PDE4D: variants seen among roughly 807,000 people sequenced by gnomAD.
PDE4D encodes phosphodiesterase 4D.
In PDE4D, 24 loss-of-function variants were observed where a neutral mutation model predicts 87.4. That is an observed-to-expected ratio of 0.27 (90% confidence interval 0.20 to 0.39). The LOEUF (loss-of-function observed/expected upper bound fraction) is 0.39, where lower values mean the gene tolerates loss of function less well. PDE4D is among the 10% of genes least tolerant of loss of function. PDE4D has a pLI of 1.00. For synonymous variants in PDE4D, 384 were observed against 383.2 expected, an observed-to-expected ratio of 1.00 and a Z score of -0.02; for missense variants, 714 against 1,041.0, an observed-to-expected ratio of 0.69 and a Z score of 4.32.
intron 1 of PDE4D, among the ~76,000 whole-genome samples, chr5:59,257,828 A>T (rs754399752): frequency 3.3e-5 from 5 of 152,008 alleles, no homozygotes; most frequent in Non-Finnish European, 7.4e-5. Flanking sequence ...GGGCACTTTT[A>T]TGTCAGAAGC....
chr5:59,882,407 T>C (rs1382616762), intron 1 of PDE4D, among the ~76,000 whole-genome samples: 1 of 152,174 alleles, frequency 6.6e-6, no homozygotes, highest in East Asian at 1.9e-4. Flanking sequence ...TTACTTTATG[T>C]TTTAATGATT....
At chr5:59,960,122 A>G (rs1340351502) in intron 3 of PDE4D, among the ~76,000 whole-genome samples, 1 of 152,220 alleles carries the variant, frequency 6.6e-6, no homozygotes, top group Non-Finnish European at 1.5e-5. Context: ...TCATCAGAGA[A>G]ATGCAAATCA....
At chr5:60,393,116 T>C (rs1762662599) in intron 1 of PDE4D, among the ~76,000 whole-genome samples, 2 of 152,202 alleles carry the variant, frequency 1.3e-5, no homozygotes, top group Admixed American at 1.3e-4. Flanking sequence ...GAGGGGTCAG[T>C]CAATGACACA....
At chr5:59,120,556 G>A (rs1490869244) in intron 5 of PDE4D, among the ~76,000 whole-genome samples, 1 of 150,238 alleles carries the variant, frequency 6.7e-6, no homozygotes, top group Non-Finnish European at 1.5e-5. Context: ...TGTACTTAGT[G>A]CCCAATTCTT....
intron 1 of PDE4D, among the ~76,000 whole-genome samples, chr5:59,471,543 C>A (rs1336955180): frequency 2.0e-5 from 3 of 152,356 alleles, no homozygotes; most frequent in African/African-American, 7.2e-5. Flanking sequence ...GGGTGCAAAG[C>A]ACCACAAAGC....
At chr5:59,814,618 G>A (rs915105069) in intron 1 of PDE4D, among the ~76,000 whole-genome samples, 4 of 152,120 alleles carry the variant, frequency 2.6e-5, no homozygotes, top group African/African-American at 9.7e-5. Context: ...ACTGGTGTTC[G>A]CATCTCTGCT....
At chr5:60,271,856 G>A (rs1177920530) in intron 1 of PDE4D, among the ~76,000 whole-genome samples, 1 of 152,164 alleles carries the variant, frequency 6.6e-6, no homozygotes, top group South Asian at 2.1e-4. Flanking sequence ...ACAGTATTGA[G>A]AATGACAAAG....
chr5:59,297,532 G>A (rs896599225), intron 1 of PDE4D, among the ~76,000 whole-genome samples: 1 of 152,084 alleles, frequency 6.6e-6, no homozygotes, highest in African/African-American at 2.4e-5. Flanking sequence ...CCACATTATT[G>A]CTTTATTTGC....
At chr5:58,985,208 C>T (rs1279786281) in intron 11 of PDE4D, among the ~76,000 whole-genome samples, 1 of 152,146 alleles carries the variant, frequency 6.6e-6, no homozygotes, top group Non-Finnish European at 1.5e-5. Context: ...AGCCACTGCA[C>T]CTGGCCTATG....
At chr5:60,210,719 C>T (rs1445934017) in intron 1 of PDE4D, among the ~76,000 whole-genome samples, 1 of 151,226 alleles carries the variant, frequency 6.6e-6, no homozygotes, top group Non-Finnish European at 1.5e-5. Flanking sequence ...TATGTAAATA[C>T]TCATGGCACG....
At chr5:59,937,175 A>G (rs1056949481) in intron 3 of PDE4D, among the ~76,000 whole-genome samples, 1 of 152,216 alleles carries the variant, frequency 6.6e-6, no homozygotes, top group Non-Finnish European at 1.5e-5. Context: ...GGCTCAAGGT[A>G]ATAGAGTTTA....
intron 1 of PDE4D, among the ~76,000 whole-genome samples, chr5:59,756,608 C>T (rs1048714644): frequency 2.0e-5 from 3 of 151,560 alleles, no homozygotes; most frequent in Non-Finnish European, 4.4e-5. Context: ...TTTTTTTCCA[C>T]TATGGCAATC....
chr5:59,854,374 A>G (rs1204014274), intron 1 of PDE4D, among the ~76,000 whole-genome samples: 1 of 152,018 alleles, frequency 6.6e-6, no homozygotes, highest in East Asian at 1.9e-4. Context: ...TTTCTATGTT[A>G]AATTTATCAA....
At chr5:60,188,674 T>TA (rs1006361519) in intron 1 of PDE4D, among the ~76,000 whole-genome samples, 12 of 152,086 alleles carry the variant, frequency 7.9e-5, no homozygotes, top group East Asian at 5.8e-4. Flanking sequence ...CATTTATCCT[T>TA]AAAAAAATCT....
At position 59,882,321 on chromosome 5, in the gene PDE4D, AAAACTG is replaced by A. The variant is rs553354445; in HGVS notation, c.455+10841_455+10846del. Among the ~76,000 whole-genome samples, 3 of 152,324 alleles carry A rather than the reference AAAACTG, an allele frequency of 2.0e-5. No individual in the cohort carries two copies. The South Asian group carries it at 6.2e-4, about 32-fold the overall frequency. The stretch of plus-strand genomic sequence containing the variant: ...ATTAGACAAGAAACTGGTCCTCAAT[AAAACTG>A]AAAACCCAGGTGGTGGGAATGATTG... On this transcript the variant is annotated intron_variant, in intron 1 of 14. Transcript: ENST00000340635.
At chr5:60,370,778 C>T (rs946997777) in intron 1 of PDE4D, among the ~76,000 whole-genome samples, 20 of 146,772 alleles carry the variant, frequency 1.4e-4, no homozygotes, top group Non-Finnish European at 2.4e-4. Context: ...TGTGTGTGTG[C>T]GTGCGTGCAT....
chr5:59,472,673 A>G (rs1259344666), intron 1 of PDE4D, among the ~76,000 whole-genome samples: 2 of 152,144 alleles, frequency 1.3e-5, no homozygotes, highest in African/African-American at 2.4e-5. Context: ...GCCTTCCAAT[A>G]TGCTTTGAAA....
intron 3 of PDE4D, among the ~76,000 whole-genome samples, chr5:59,908,969 C>T (rs1753146793): frequency 6.6e-6 from 1 of 152,156 alleles, no homozygotes; most frequent in Non-Finnish European, 1.5e-5. Flanking sequence ...ACTTGGTTTA[C>T]ATTTGTACAT....
chr5:60,035,570 T>C (rs1303511229), intron 2 of PDE4D, among the ~76,000 whole-genome samples: 1 of 152,106 alleles, frequency 6.6e-6, no homozygotes, highest in East Asian at 1.9e-4. Context: ...AAAATAATAA[T>C]AAAATTTAGA....
Sources: gnomAD v4.1 joint callset for allele counts (sites outside exome capture counted in the v4.1 genomes callset) on GRCh38, gnomAD v4.1.1 for gene constraint, MANE v1.5 for transcripts, NCBI Gene and HGNC (gene_info 2026-07-23, HGNC 2026-07-21) for gene names.